GPC5: variants seen among roughly 807,000 people sequenced by gnomAD.
GPC5 encodes glypican 5, also known as glypican-5.
Under a neutral mutation model 53.9 loss-of-function variants are expected in GPC5, and 47 were observed. The ratio of observed to expected loss-of-function variants is 0.87; its 90% CI spans 0.69 to 1.11. The LOEUF (loss-of-function observed/expected upper bound fraction) is 1.11. GPC5 is among the 50% of genes most tolerant of loss of function. The pLI is 0.00. For synonymous variants in GPC5, 286 were observed against 263.3 expected, an observed-to-expected ratio of 1.09 and a Z score of -0.84; for missense variants, 748 against 713.1, an observed-to-expected ratio of 1.05 and a Z score of -0.56.
At position 91,693,274 on chromosome 13, in the gene GPC5, C is replaced by T; in HGVS notation, c.413C>T (p.Ala138Val). ...STYRNMALEA[A>V]ASVQEFFTDV... ...TACAGGAACATGGCCTTGGAGGCTG[C>T]TGCTTCGGTTCAGGAGTTCTTCACT... The change falls in exon 3 of 8, where the codon GCT (alanine) becomes GTT (valine). Residue 138 changes from alanine to valine, a missense_variant. Transcript: ENST00000377067. The T allele has an allele frequency of 6.2e-7, 1 of 1,614,074 alleles. No homozygotes were observed. The highest frequency in any genetic ancestry group is 1.3e-5 in the African/African-American group (1 of 75,026).
chr13:92,291,569 G>A (rs2042996049), intron 7 of GPC5, among the ~76,000 whole-genome samples: 3 of 152,256 alleles, frequency 2.0e-5, no homozygotes, highest in South Asian at 4.1e-4. Context: ...TCTGTAAAAT[G>A]GACCAATCAG....
chr13:92,773,870 C>T (rs1432225679), intron 7 of GPC5, among the ~76,000 whole-genome samples: 1 of 152,166 alleles, frequency 6.6e-6, no homozygotes, highest in Non-Finnish European at 1.5e-5. Flanking sequence ...GTTTAATGAA[C>T]TCACAGTTCC....
chr13:92,824,195 A>C (rs1877768669), intron 7 of GPC5, among the ~76,000 whole-genome samples: 1 of 152,030 alleles, frequency 6.6e-6, no homozygotes. Context: ...ACACCAGTCT[A>C]CACACTGCCC....
rs1881593861 is a variant in GPC5, at chr13:92,532,399, T to TA, written c.1562-333878dup. 2.0e-5 allele frequency among the ~76,000 whole-genome samples: 3 copies of TA among 152,204 alleles called. No homozygotes were observed. The South Asian group carries it at 6.2e-4, about 32-fold the overall frequency. ...TCTAGGAGGAGTAGATGATCATAAA[T>TA]AAAAATATTTCATGCAGTAGATTTC... On this transcript the variant is annotated intron_variant, in intron 7 of 7. Coordinates refer to ENST00000377067, the MANE Select transcript of GPC5 (RefSeq NM_004466.6).
chr13:91,659,882 G>C (rs1329513756), intron 2 of GPC5, among the ~76,000 whole-genome samples: 2 of 152,168 alleles, frequency 1.3e-5, no homozygotes, highest in African/African-American at 4.8e-5. Flanking sequence ...AATAGATGAA[G>C]ACTACCTAAA....
At chr13:92,254,715 C>T (rs1283542801) in intron 7 of GPC5, among the ~76,000 whole-genome samples, 2 of 152,156 alleles carry the variant, frequency 1.3e-5, no homozygotes, top group African/African-American at 4.8e-5. Flanking sequence ...GCAAACACAT[C>T]TTCCTTCATA....
chr13:91,508,627 G>A (rs7983842), intron 2 of GPC5, among the ~76,000 whole-genome samples: 1,553 of 152,152 alleles, frequency 0.01, 25 homozygotes, highest in African/African-American at 0.036. Flanking sequence ...AGATATGATA[G>A]GCATATTTGA....
At chr13:92,041,635 G>A (rs1354883618) in intron 6 of GPC5, among the ~76,000 whole-genome samples, 2 of 152,190 alleles carry the variant, frequency 1.3e-5, no homozygotes, top group African/African-American at 4.8e-5. Flanking sequence ...GAGCTGCCAG[G>A]TGTTGGAGTT....
At chr13:92,394,527 G>A (rs1156817088) in intron 7 of GPC5, among the ~76,000 whole-genome samples, 1 of 152,112 alleles carries the variant, frequency 6.6e-6, no homozygotes, top group Admixed American at 6.5e-5. Flanking sequence ...GTCCTCACCA[G>A]AGCCCAGCCA....
chr13:91,649,721 G>A (rs2034649933), intron 2 of GPC5, among the ~76,000 whole-genome samples: 1 of 152,120 alleles, frequency 6.6e-6, no homozygotes, highest in Non-Finnish European at 1.5e-5. Context: ...CATCTCTGTA[G>A]CATGACTGGA....
intron 5 of GPC5, among the ~76,000 whole-genome samples, chr13:91,770,551 T>G (rs1185028426): frequency 6.6e-6 from 1 of 152,148 alleles, no homozygotes; most frequent in African/African-American, 2.4e-5. Flanking sequence ...TTAGGAGGAA[T>G]GTGTTAGATG....
At chr13:92,573,605 T>C (rs1430195812) in intron 7 of GPC5, among the ~76,000 whole-genome samples, 1 of 152,182 alleles carries the variant, frequency 6.6e-6, no homozygotes, top group Non-Finnish European at 1.5e-5. Context: ...TTAAAATTTC[T>C]CGGTAGAGGG....
At chr13:92,725,402 G>A (rs1888615199) in intron 7 of GPC5, among the ~76,000 whole-genome samples, 1 of 151,336 alleles carries the variant, frequency 6.6e-6, no homozygotes, top group Admixed American at 6.6e-5. Flanking sequence ...AATTGAGTGG[G>A]CTAAACAACA....
At chr13:92,381,921 C>A (rs1215495813) in intron 7 of GPC5, among the ~76,000 whole-genome samples, 2 of 124,860 alleles carry the variant, frequency 1.6e-5, no homozygotes, top group African/African-American at 6.0e-5. Flanking sequence ...TATATATAAT[C>A]ATATATATGA....
chr13:91,496,484 G>A (rs554982662), intron 2 of GPC5, among the ~76,000 whole-genome samples: 3 of 152,328 alleles, frequency 2.0e-5, no homozygotes, highest in East Asian at 3.9e-4. Context: ...GCAGCAACAT[G>A]AATGGAACTG....
intron 7 of GPC5, among the ~76,000 whole-genome samples, chr13:92,655,214 A>G (rs1250556054): frequency 6.6e-6 from 1 of 152,214 alleles, no homozygotes; most frequent in Non-Finnish European, 1.5e-5. Context: ...GGAAATATAT[A>G]CAGAATAAAA....
chr13:92,250,271 T>G (rs1293299359), intron 7 of GPC5, among the ~76,000 whole-genome samples: 1 of 152,176 alleles, frequency 6.6e-6, no homozygotes, highest in Non-Finnish European at 1.5e-5. Context: ...TTCATACGTA[T>G]GGTTTTAGGC....
intron 6 of GPC5, among the ~76,000 whole-genome samples, chr13:92,077,421 G>T (rs1281927983): frequency 1.3e-5 from 2 of 152,188 alleles, no homozygotes; most frequent in Non-Finnish European, 2.9e-5. Context: ...CAGAGTAGAT[G>T]ACTCTGTGAT....
chr13:92,802,659 T>A (rs1876952824), intron 7 of GPC5, among the ~76,000 whole-genome samples: 1 of 151,768 alleles, frequency 6.6e-6, no homozygotes, highest in East Asian at 1.9e-4. Context: ...ACAAAGGACA[T>A]GAACTCATCA....
Sources: gnomAD v4.1 joint callset for allele counts (sites outside exome capture counted in the v4.1 genomes callset) on GRCh38, gnomAD v4.1.1 for gene constraint, MANE v1.5 for transcripts, NCBI Gene and HGNC (gene_info 2026-07-23, HGNC 2026-07-21) for gene names.